TCP10L: variants seen among roughly 807,000 people sequenced by gnomAD.
The protein encoded by TCP10L is T-complex protein 10A homolog 1.
TCP10L carries 11 observed loss-of-function variants against 19.2 expected under a neutral mutation model. That is an observed-to-expected ratio of 0.57 (90% CI 0.36 to 0.95). TCP10L has a LOEUF of 0.95. TCP10L is among the 40% of genes least tolerant of loss of function. TCP10L has a pLI of 0.01. For synonymous variants in TCP10L, 96 were observed against 97.2 expected, an observed-to-expected ratio of 0.99 and a Z score of 0.07; for missense variants, 247 against 263.9, an observed-to-expected ratio of 0.94 and a Z score of 0.44.
rs1038079291 is a variant in TCP10L, at chr21:32,584,365, G to A, written c.-1-60C>T. 8 of 1,556,006 alleles carry A rather than the reference G, an allele frequency of 5.1e-6. No homozygotes were observed. The African/African-American group carries it at 1.1e-4, about 21-fold the overall frequency. ...AATGCAGCCCTCCTACCCCGTCAGT[G>A]TGGGCTGAAGGCCCCAGCCCCAAAC... On this transcript the variant is annotated intron_variant, in intron 1 of 4. Transcript: ENST00000300258.
In TCP10L at chr21:32,582,681, TTGA is replaced by T. The variant is rs2038509555; in HGVS notation, c.145-269_145-267del. ...GATCTCAGCTCACTGAAGCTTCAAC[TTGA>T]TGAGCTCAAGCGATCCTCCTGTCTC... On this transcript the variant is annotated intron_variant, in intron 2 of 4. Transcript: ENST00000300258. This position sits in a 1 kb window ranked among gnomAD's most constrained non-coding sequence, Gnocchi z 4.2. Among the ~76,000 whole-genome samples, 1 of 152,000 alleles carries T rather than the reference TTGA, an allele frequency of 6.6e-6. No individual in the cohort carries two copies. The highest frequency in any genetic ancestry group is 1.5e-5 in the Non-Finnish European group (1 of 67,982).
At chr21:32,584,427 C>A in intron 1 of TCP10L, 122 bp from the exon 2 acceptor site, 6 of 1,386,912 alleles carry the variant, frequency 4.3e-6, no homozygotes, top group Non-Finnish European at 5.7e-6. Context: ...TCCTTCTCCC[C>A]CTGGGTCATG....
rs775845488 is a variant in TCP10L, at chr21:32,578,943, T to C, written c.361-112A>G. 8.6e-5 allele frequency: 132 copies of C among 1,526,730 alleles called. No individual in the cohort carries two copies. Among genetic ancestry groups the C allele is most frequent in the Non-Finnish European group, 1.1e-4 (123 of 1,132,410 alleles). The allele number at this position is 1,526,730 out of a possible 1,614,324, so 94.6% of individuals were successfully genotyped here. Reference sequence around the variant, plus strand: ...TCCTAGAAAAAAATAGGGTACAAGGTAGGGGGACTTGGACTGGGTTTTCCC... The same window carrying C: ...TCCTAGAAAAAAATAGGGTACAAGGCAGGGGGACTTGGACTGGGTTTTCCC... On this transcript the variant is annotated intron_variant, in intron 3 of 4. Transcript: ENST00000300258. This position sits in a 1 kb window ranked among gnomAD's most constrained non-coding sequence, Gnocchi z 4.2.
Position 32,576,938 on chromosome 21 carries a change from G to A in TCP10L, c.499-15C>T. On this transcript the variant is annotated splice_polypyrimidine_tract_variant and intron_variant, in intron 4 of 4. Coordinates refer to ENST00000300258, the MANE Select transcript of TCP10L (RefSeq NM_144659.7). ...AAACTCATTGGCTGAAAACAAATGT[G>A]GGAATATTTTTGCATTAGTAACAAT... is the stretch of plus-strand genomic sequence containing the variant. The A allele has an allele frequency of 6.2e-7, 1 of 1,603,046 alleles. No individual in the cohort carries two copies. Among genetic ancestry groups the A allele is most frequent in the Non-Finnish European group, 8.5e-7 (1 of 1,177,008 alleles).
chr21:32,582,261 C>G lies in TCP10L; in HGVS notation c.299G>C (p.Arg100Pro). ...TGCAGATTTCTTCCTGGCTTTCCAC[C>G]GCTGCAGCTGCAGAGCTCTCAGCTT... Reference protein sequence around the residue: ...REKLRALQLQRWKARKKSAAS... With the variant: ...REKLRALQLQPWKARKKSAAS... Residue 100 changes from arginine to proline, a missense_variant, in exon 3 of 5, where the codon CGG (arginine) becomes CCG (proline). Physicochemically the swap from Arg to Pro is moderately radical, Grantham distance 103. Coordinates refer to ENST00000300258, the MANE Select transcript of TCP10L (RefSeq NM_144659.7). The surrounding 1 kb of genome is among the most constrained non-coding windows in gnomAD (Gnocchi z 4.2). The G allele has an allele frequency of 6.2e-7, 1 of 1,614,194 alleles. No individual in the cohort carries two copies. Among genetic ancestry groups the G allele is most frequent in the Non-Finnish European group, 8.5e-7 (1 of 1,180,044 alleles).
At position 32,582,466 on chromosome 21, in the gene TCP10L, C is replaced by T. The variant is rs376445014; in HGVS notation, c.145-51G>A. 2.6e-6 allele frequency: 4 copies of T among 1,549,092 alleles called. No individual in the cohort carries two copies. The highest frequency in any genetic ancestry group is 3.5e-6 in the Non-Finnish European group (4 of 1,141,574). Reference sequence around the variant, plus strand: ...AAAACCTCTCAGATGTCACAATGGGCACATTTATCTGCAAAATACTCAAGC... The same window carrying T: ...AAAACCTCTCAGATGTCACAATGGGTACATTTATCTGCAAAATACTCAAGC... On this transcript the variant is annotated intron_variant, in intron 2 of 4. Coordinates refer to ENST00000300258, the MANE Select transcript of TCP10L (RefSeq NM_144659.7). This position sits in a 1 kb window ranked among gnomAD's most constrained non-coding sequence, Gnocchi z 4.2.
chr21:32,579,038 T>C (rs1285428436), intron 3 of TCP10L, among the ~76,000 whole-genome samples: 2 of 152,226 alleles, frequency 1.3e-5, no homozygotes, highest in Non-Finnish European at 2.9e-5. Flanking sequence ...AGCCGATGTT[T>C]GCTTTGTGTT....
chr21:32,577,756 G>A (rs571198414), intron 4 of TCP10L: 1 of 152,332 alleles, frequency 6.6e-6, no homozygotes, highest in South Asian at 2.1e-4. Context: ...CAGTGCTAGA[G>A]GAATTAAAGA....
chr21:32,582,242 T>C lies in TCP10L; in HGVS notation c.318A>G (p.Lys106=). The C allele has an allele frequency of 1.2e-6, 2 of 1,614,170 alleles. No homozygotes were observed. The highest frequency in any genetic ancestry group is 2.2e-5 in the South Asian group (2 of 91,078). ...LQLQRWKARK[K]SAASPHAGQE... ...GCCCCGCGTGTGGGGACGCTGCAGA[T>C]TTCTTCCTGGCTTTCCACCGCTGCA... The change falls in exon 3 of 5, where the codon AAA becomes AAG. Residue 106 remains lysine, a synonymous_variant. Coordinates refer to ENST00000300258, the MANE Select transcript of TCP10L (RefSeq NM_144659.7). This position sits in a 1 kb window ranked among gnomAD's most constrained non-coding sequence, Gnocchi z 4.2.
At chr21:32,580,566 A>C (rs1369859759) in intron 3 of TCP10L, among the ~76,000 whole-genome samples, 1 of 151,796 alleles carries the variant, frequency 6.6e-6, no homozygotes, top group Non-Finnish European at 1.5e-5. Flanking sequence ...GGAAGTACCG[A>C]TTTAAAAGTT....
In TCP10L at chr21:32,578,870, A is replaced by C. The variant is rs117060687; in HGVS notation, c.361-39T>G. ...TGCAGGGAAATTCTTCACATTTTCG[A>C]AGGTAAAATAAATTCAAATTTTAAT... On this transcript the variant is annotated intron_variant, in intron 3 of 4. Transcript: ENST00000300258. This position sits in a 1 kb window ranked among gnomAD's most constrained non-coding sequence, Gnocchi z 4.2. The C allele has an allele frequency of 3.4e-3, 5,457 of 1,612,960 alleles. 14 individuals carry two copies. The highest frequency in any genetic ancestry group is 4.2e-3 in the Non-Finnish European group (4,947 of 1,179,680).
chr21:32,578,325 G>A lies in TCP10L; in HGVS notation c.498+369C>T, dbSNP rs1601122237. 1.3e-5 allele frequency among the ~76,000 whole-genome samples: 2 copies of A among 152,238 alleles called. No individual in the cohort carries two copies. The highest frequency in any genetic ancestry group is 3.8e-4 in the East Asian group (2 of 5,198). On this transcript the variant is annotated intron_variant, in intron 4 of 4. Transcript: ENST00000300258. This position sits in a 1 kb window ranked among gnomAD's most constrained non-coding sequence, Gnocchi z 4.2. ...GGTGCAAGACCGCAGTGCAGAAGCA[G>A]GGAGCACGGGAGGCTGCGAGCCCTC...
rs528896148 is a variant in TCP10L, at chr21:32,581,111, C to T, written c.360+1089G>A. 7.2e-5 allele frequency among the ~76,000 whole-genome samples: 11 copies of T among 152,320 alleles called. No homozygotes were observed. The East Asian group carries it at 7.7e-4, about 11-fold the overall frequency. ...AAGACCCTAGCGGGCAGAGACCAAG[C>T]GGCTGGATGTCGAGAAGAACACACC... is the stretch of plus-strand genomic sequence containing the variant. On this transcript the variant is annotated intron_variant, in intron 3 of 4. Coordinates refer to ENST00000300258, the MANE Select transcript of TCP10L (RefSeq NM_144659.7).
At chr21:32,584,343 G>T (rs1276798223) in intron 1 of TCP10L, 38 bp from the exon 2 acceptor site, 5 of 1,597,694 alleles carry the variant, frequency 3.1e-6, no homozygotes, top group Non-Finnish European at 4.3e-6. Context: ...ACACTTGAAT[G>T]CAGCCCTCCT....
chr21:32,585,274 G>C (rs900712526), intron 1 of TCP10L, 147 bp downstream of exon 1: 25 of 259,500 alleles, frequency 9.6e-5, no homozygotes, highest in African/African-American at 5.7e-4. Flanking sequence ...AGTGGGCTGG[G>C]GTCACGGTCC....
Position 32,582,368 on chromosome 21 carries a change from C to T in TCP10L, c.192G>A (p.Gln64=), listed in dbSNP as rs760186858. ...CATGAACATCAGCCCACAGAGACTTCTGTCTCCCAAGCTCTTGGTGGAGTC... is the reference window on the plus strand; with the variant it reads ...CATGAACATCAGCCCACAGAGACTTTTGTCTCCCAAGCTCTTGGTGGAGTC... ...IIRLHQELGR[Q]KSLWADVHGK... Residue 64 remains glutamine, a synonymous_variant, in exon 3 of 5, where the codon CAG becomes CAA. Coordinates refer to ENST00000300258, the MANE Select transcript of TCP10L (RefSeq NM_144659.7). The surrounding 1 kb of genome is among the most constrained non-coding windows in gnomAD (Gnocchi z 4.2). The T allele has an allele frequency of 2.5e-6, 4 of 1,614,048 alleles. No homozygotes were observed. Among genetic ancestry groups the T allele is most frequent in the Middle Eastern group, 1.6e-4 (1 of 6,062 alleles).
Position 32,576,072 on chromosome 21 carries a change from A to T in TCP10L, c.*702T>A. 2.0e-6 allele frequency: 1 copy of T among 498,798 alleles called. No homozygotes were observed. Among genetic ancestry groups the T allele is most frequent in the Non-Finnish European group, 3.5e-6 (1 of 284,796 alleles). 30.9% of individuals were successfully genotyped at this position (498,798 alleles called of 1,614,324 possible). ...CAGGTGAGGACCCAACGAGGGAATC[A>T]GACAAAAAGTGGCCACAAATTAGGC... On this transcript the variant is annotated 3_prime_UTR_variant, in exon 5 of 5. Coordinates refer to ENST00000300258, the MANE Select transcript of TCP10L (RefSeq NM_144659.7).
chr21:32,583,719 T>C (rs2038524941), intron 2 of TCP10L, among the ~76,000 whole-genome samples: 2 of 151,200 alleles, frequency 1.3e-5, no homozygotes, highest in African/African-American at 2.4e-5. Context: ...AGTGGGATCG[T>C]GATAAAGGTA....
intron 1 of TCP10L, among the ~76,000 whole-genome samples, chr21:32,585,074 C>T (rs2038546074): frequency 6.6e-6 from 1 of 152,180 alleles, no homozygotes; most frequent in African/African-American, 2.4e-5. Flanking sequence ...TGGCCCCCAA[C>T]GAAACCCCGA....
Sources: gnomAD v4.1 joint callset for allele counts (sites outside exome capture counted in the v4.1 genomes callset) on GRCh38, gnomAD v4.1.1 for gene constraint, Gnocchi (gnomAD v3.1) non-coding constraint, MANE v1.5 for transcripts, NCBI Gene and HGNC (gene_info 2026-07-23, HGNC 2026-07-21) for gene names.